Variants in SLC7A8 observed in about 807,000 individuals in gnomAD.
SLC7A8 encodes the protein solute carrier family 7 member 8.
A neutral mutation model predicts 51.2 loss-of-function variants in SLC7A8; 30 were observed. That is an observed-to-expected ratio of 0.59 (90% confidence interval 0.44 to 0.80). The LOEUF is 0.80. Ranked by LOEUF, SLC7A8 falls within the 30% of genes least tolerant of loss-of-function variation. The probability of loss-of-function intolerance (pLI) is 0.00; values close to 1 mark genes in which losing one functional copy is unlikely to be tolerated. For missense variants in SLC7A8, 612 were observed against 674.4 expected, an observed-to-expected ratio of 0.91 and a Z score of 1.03; for synonymous variants, 257 against 275.8, an observed-to-expected ratio of 0.93 and a Z score of 0.67.
At chr14:23,144,688 C>A (rs1315982420) in intron 3 of SLC7A8, among the ~76,000 whole-genome samples, 2 of 152,066 alleles carry the variant, frequency 1.3e-5, no homozygotes, top group Admixed American at 6.6e-5. Flanking sequence ...CCGTCTGTAA[C>A]CTTCCTTTGT....
At chr14:23,143,794 C>A (rs912900604) in intron 3 of SLC7A8, among the ~76,000 whole-genome samples, 4 of 152,148 alleles carry the variant, frequency 2.6e-5, no homozygotes, top group African/African-American at 9.7e-5. Flanking sequence ...CATCATGCTC[C>A]TTTGTAGTCA....
chr14:23,156,432 T>C (rs763299665), intron 3 of SLC7A8: 1 of 152,262 alleles, frequency 6.6e-6, no homozygotes, highest in Admixed American at 6.5e-5. Flanking sequence ...TGAACTCTTA[T>C]AACAGAGATG....
intron 3 of SLC7A8, among the ~76,000 whole-genome samples, chr14:23,164,678 T>C (rs1417362057): frequency 1.3e-5 from 2 of 151,358 alleles, no homozygotes; most frequent in Non-Finnish European, 2.9e-5. Context: ...TTGTAGGAAA[T>C]TGAAAGAAAA....
At chr14:23,144,341 A>AATTTTTTT (rs375223021) in intron 3 of SLC7A8, among the ~76,000 whole-genome samples, 1 of 114,356 alleles carries the variant, frequency 8.7e-6, no homozygotes, top group East Asian at 2.7e-4. Flanking sequence ...TTTAAACACA[A>AATTTTTTT]TTTTTTTTTT....
In SLC7A8 at chr14:23,183,030, T is replaced by G. The variant is rs1877255594; in HGVS notation, c.-116A>C. On this transcript the variant is annotated 5_prime_UTR_variant, in exon 1 of 11. Transcript: ENST00000316902. The stretch of plus-strand genomic sequence containing the variant: ...CGTCCTTTTCCGAAATAGGAACCAC[T>G]GCTACTCTCTAAAAAAGGCAAGCAG... 7.8e-7 allele frequency: 1 copy of G among 1,280,414 alleles called. No homozygotes were observed. Among genetic ancestry groups the G allele is most frequent in the Admixed American group, 2.0e-5 (1 of 48,834 alleles). 79.3% of individuals were successfully genotyped at this position (1,280,414 alleles called of 1,614,324 possible). A position where few individuals can be genotyped will look rare whatever the true frequency, so the allele number is the denominator to read the frequency against.
At chr14:23,162,044 A>C (rs1343527829) in intron 3 of SLC7A8, among the ~76,000 whole-genome samples, 1 of 152,012 alleles carries the variant, frequency 6.6e-6, no homozygotes, top group Non-Finnish European at 1.5e-5. Context: ...AAAATTCAAA[A>C]AAAGAAGAGA....
At chr14:23,136,505 G>T (rs2048691520) in intron 7 of SLC7A8, among the ~76,000 whole-genome samples, 1 of 152,134 alleles carries the variant, frequency 6.6e-6, no homozygotes, top group Admixed American at 6.5e-5. Context: ...CACACACTCT[G>T]ACTCTTCAGG....
chr14:23,130,736 C>A (rs1391697751), intron 8 of SLC7A8, among the ~76,000 whole-genome samples: 1 of 152,200 alleles, frequency 6.6e-6, no homozygotes, highest in East Asian at 1.9e-4. Context: ...ATGCTCTTGG[C>A]TCCCAAGAGC....
At position 23,165,510 on chromosome 14, in the gene SLC7A8, T is replaced by A; in HGVS notation, c.357-74A>T. The A allele has an allele frequency of 8.3e-6, 12 of 1,452,950 alleles. No individual in the cohort carries two copies. The highest frequency in any genetic ancestry group is 1.1e-5 in the Non-Finnish European group (12 of 1,092,844). The allele number at this position is 1,452,950 out of a possible 1,614,324, so 90.0% of individuals were successfully genotyped here. ...GCCATCAGGGGAGAGCCCGGGCAAG[T>A]CATGCATCTCTTTTTTATTTTCAAG... is the stretch of plus-strand genomic sequence containing the variant. On this transcript the variant is annotated intron_variant, in intron 2 of 10. Coordinates refer to ENST00000316902, the MANE Select transcript of SLC7A8 (RefSeq NM_012244.4). This position sits in a 1 kb window ranked among gnomAD's most constrained non-coding sequence, Gnocchi z 4.2.
chr14:23,128,378 T>C lies in SLC7A8; in HGVS notation c.1264-182A>G. ...GTAGGGCAGGGGCTATATAAACAAATGTTGATGAACATGGTCGGTCAGACA... is the reference window on the plus strand; with the variant it reads ...GTAGGGCAGGGGCTATATAAACAAACGTTGATGAACATGGTCGGTCAGACA... On this transcript the variant is annotated intron_variant, in intron 9 of 10. Transcript: ENST00000316902. This position sits in a 1 kb window ranked among gnomAD's most constrained non-coding sequence, Gnocchi z 4.3. 6.5e-7 allele frequency: 1 copy of C among 1,530,276 alleles called. No homozygotes were observed. Among genetic ancestry groups the C allele is most frequent in the Admixed American group, 2.0e-5 (1 of 50,756 alleles). 94.8% of individuals were successfully genotyped at this position (1,530,276 alleles called of 1,614,324 possible).
intron 1 of SLC7A8, among the ~76,000 whole-genome samples, chr14:23,175,035 G>T (rs1409102439): frequency 6.6e-6 from 1 of 152,184 alleles, no homozygotes; most frequent in Non-Finnish European, 1.5e-5. Context: ...AGGCAGCTGT[G>T]CTGCTGGATT....
chr14:23,138,456 G>A (rs1257283672), intron 6 of SLC7A8, among the ~76,000 whole-genome samples: 1 of 152,190 alleles, frequency 6.6e-6, no homozygotes, highest in Non-Finnish European at 1.5e-5. Context: ...CTGTCAGGCA[G>A]ATCCAGGCTC....
At chr14:23,130,584 A>AAAAACAAAAC (rs141620731) in intron 8 of SLC7A8, among the ~76,000 whole-genome samples, 1 of 152,152 alleles carries the variant, frequency 6.6e-6, no homozygotes, top group South Asian at 2.1e-4. Flanking sequence ...TCTAACTGGA[A>AAAAACAAAAC]AAAACAAAAC....
intron 7 of SLC7A8, among the ~76,000 whole-genome samples, chr14:23,133,162 G>T (rs1471282052): frequency 3.3e-5 from 5 of 152,140 alleles, no homozygotes; most frequent in African/African-American, 4.8e-5. Context: ...TCCTGTCTGG[G>T]CACGGTGGGT....
intron 1 of SLC7A8, among the ~76,000 whole-genome samples, chr14:23,175,172 C>T (rs988080633): frequency 6.6e-6 from 1 of 151,908 alleles, no homozygotes; most frequent in African/African-American, 2.4e-5. Context: ...TGGTGCTGGC[C>T]GCTCTTGAGA....
chr14:23,161,519 A>C (rs2048922314), intron 3 of SLC7A8, among the ~76,000 whole-genome samples: 1 of 137,938 alleles, frequency 7.2e-6, no homozygotes, highest in South Asian at 2.5e-4. Context: ...AAAGAGACAC[A>C]GGCTGGGCTT....
chr14:23,156,811 C>CCCCT, intron 3 of SLC7A8, among the ~76,000 whole-genome samples: 1 of 152,204 alleles, frequency 6.6e-6, no homozygotes, highest in East Asian at 1.9e-4. Context: ...CCAGAACAAG[C>CCCCT]CCCTCATTCC....
intron 3 of SLC7A8, among the ~76,000 whole-genome samples, chr14:23,154,947 G>T (rs1485356828): frequency 1.2e-5 from 1 of 83,962 alleles, no homozygotes; most frequent in African/African-American, 4.7e-5. Flanking sequence ...CTTGACTGGT[G>T]AAAGAGAAAA....
chr14:23,128,732 G>T lies in SLC7A8; in HGVS notation c.1264-536C>A, dbSNP rs967114010. Among the ~76,000 whole-genome samples the T allele has an allele frequency of 6.6e-6, 1 of 152,222 alleles. No homozygotes were observed. The highest frequency in any genetic ancestry group is 2.4e-5 in the African/African-American group (1 of 41,450). On this transcript the variant is annotated intron_variant, in intron 9 of 10. Coordinates refer to ENST00000316902, the MANE Select transcript of SLC7A8 (RefSeq NM_012244.4). The surrounding 1 kb of genome is among the most constrained non-coding windows in gnomAD (Gnocchi z 4.3). ...TGGGCCACATGTGGGGAGTTCCTGA[G>T]AGTATCCTCTTCAGGGCTCCAGGGG...
Sources: allele counts gnomAD v4.1 joint callset (sites outside exome capture counted in the v4.1 genomes callset), GRCh38; gene constraint gnomAD v4.1.1; non-coding constraint Gnocchi (gnomAD v3.1); transcripts MANE v1.5; gene names NCBI Gene and HGNC (gene_info 2026-07-23, HGNC 2026-07-21).